SMCO2: variants seen among roughly 807,000 people sequenced by gnomAD.
SMCO2 encodes single-pass membrane and coiled-coil domain-containing protein 2.
SMCO2 carries 25 observed loss-of-function variants against 29.5 expected under a neutral mutation model. That is an observed-to-expected ratio of 0.85 (90% CI 0.62 to 1.18). The LOEUF is 1.18. Ranked by LOEUF, SMCO2 falls within the 50% of genes most tolerant of loss-of-function variation. SMCO2 has a pLI of 0.00. For synonymous variants in SMCO2, 117 were observed against 123.3 expected (o/e 0.95, Z 0.34); for missense variants, 348 against 344.5 (o/e 1.01, Z -0.08).
the SMCO2 span, among the ~76,000 whole-genome samples, chr12:27,444,888 C>T: frequency 2.0e-5 from 3 of 152,084 alleles, no homozygotes; most frequent in Admixed American, 6.5e-5. Flanking sequence ...GCTGCACGCC[C>T]GTGTTTATTG....
chr12:27,464,886 G>A (rs544609197), upstream of SMCO2, among the ~76,000 whole-genome samples: 8 of 151,180 alleles, frequency 5.3e-5, no homozygotes, highest in Admixed American at 1.3e-4. Context: ...AAAATTAGCC[G>A]GGCATGGTGG....
chr12:27,470,546 G>A, intron 1 of SMCO2, 76 bp from the exon 2 acceptor site: 1 of 1,477,320 alleles, frequency 6.8e-7, no homozygotes, highest in Non-Finnish European at 9.1e-7. Flanking sequence ...GAAGAAGTTA[G>A]TCTGGTGTCA....
chr12:27,454,829 G>A, the SMCO2 span, among the ~76,000 whole-genome samples: 13 of 152,130 alleles, frequency 8.5e-5, no homozygotes, highest in Non-Finnish European at 1.8e-4. Context: ...TGTGGTGTTT[G>A]GTTTTCTGCT....
chr12:27,483,788 A>C (rs572012617), intron 4 of SMCO2, among the ~76,000 whole-genome samples: 33 of 152,238 alleles, frequency 2.2e-4, no homozygotes, highest in Non-Finnish European at 3.7e-4. Context: ...AACTATCACT[A>C]TCTGCCTTCA....
At chr12:27,439,454 CAA>C in the SMCO2 span, among the ~76,000 whole-genome samples, 10 of 152,078 alleles carry the variant, frequency 6.6e-5, no homozygotes, top group Admixed American at 6.6e-4. Context: ...TCACAAGAAA[CAA>C]AAGCAAATGG....
intron 7 of SMCO2, chr12:27,497,777 A>G (rs1943028692): frequency 5.4e-6 from 1 of 185,818 alleles, no homozygotes; most frequent in East Asian, 1.7e-4. Flanking sequence ...ACTATGATGC[A>G]TCTGATCTGG....
the SMCO2 span, among the ~76,000 whole-genome samples, chr12:27,436,972 C>T: frequency 6.6e-6 from 1 of 152,192 alleles, no homozygotes; most frequent in African/African-American, 2.4e-5. Context: ...TCGCCATGTT[C>T]ACCATCAAAG....
chr12:27,451,713 A>G, the SMCO2 span, among the ~76,000 whole-genome samples: 1 of 152,224 alleles, frequency 6.6e-6, no homozygotes, highest in African/African-American at 2.4e-5. Flanking sequence ...CCTCAACAGC[A>G]TGAGGCACAT....
rs1417210733 is a variant in SMCO2 at position 27,474,814 on chromosome 12, A to C, written c.263A>C (p.Asp88Ala). Residue 88 changes from aspartate (D) to alanine (A), a missense_variant, in exon 4 of 8, where the codon GAC (aspartate) becomes GCC (alanine). By Grantham distance (126) the Asp-to-Ala change is moderately radical (BLOSUM62 -2). Coordinates refer to ENST00000298876, the Ensembl canonical transcript of SMCO2. ...ATGTTGGAGCTAGAGGCTGAGCATGACCAGGACCTGAGTAAACAGGATAAG... is the reference window on the plus strand; with the variant it reads ...ATGTTGGAGCTAGAGGCTGAGCATGCCCAGGACCTGAGTAAACAGGATAAG... 3 of 1,551,774 alleles carry C rather than the reference A, an allele frequency of 1.9e-6. No homozygotes were observed. The South Asian group carries it at 3.6e-5, about 18-fold the overall frequency.
upstream of SMCO2, among the ~76,000 whole-genome samples, chr12:27,465,899 G>A (rs1484647434): frequency 6.6e-6 from 1 of 152,224 alleles, no homozygotes; most frequent in African/African-American, 2.4e-5. Flanking sequence ...TTTGATAGGT[G>A]AAGAGGAGTG....
chr12:27,473,574 A>G (rs1949559661), intron 3 of SMCO2, among the ~76,000 whole-genome samples: 1 of 152,154 alleles, frequency 6.6e-6, no homozygotes, highest in South Asian at 2.1e-4. Context: ...TGGGACCACC[A>G]CTTAACTCTC....
intron 4 of SMCO2, among the ~76,000 whole-genome samples, chr12:27,484,264 C>T (rs909084338): frequency 4.0e-5 from 6 of 151,888 alleles, no homozygotes; most frequent in Middle Eastern, 3.2e-3. Flanking sequence ...CTGTAATCCC[C>T]GCTGCTCGGG....
chr12:27,474,346 C>T (rs1949565935), intron 3 of SMCO2, among the ~76,000 whole-genome samples: 2 of 152,162 alleles, frequency 1.3e-5, no homozygotes, highest in Admixed American at 1.3e-4. Context: ...ATGTCTTTTA[C>T]AGCCATATTT....
At chr12:27,479,070 A>C (rs989406832) in intron 4 of SMCO2, among the ~76,000 whole-genome samples, 3 of 152,138 alleles carry the variant, frequency 2.0e-5, no homozygotes, top group African/African-American at 7.2e-5. Flanking sequence ...TTGATAGTGT[A>C]TGTGGGTGTC....
At chr12:27,455,358 A>G in the SMCO2 span, among the ~76,000 whole-genome samples, 1 of 152,240 alleles carries the variant, frequency 6.6e-6, no homozygotes, top group Non-Finnish European at 1.5e-5. Flanking sequence ...ATAGCTATGA[A>G]TATCTTTATA....
chr12:27,482,673 G>C (rs1254144599), intron 4 of SMCO2, among the ~76,000 whole-genome samples: 1 of 152,216 alleles, frequency 6.6e-6, no homozygotes, highest in Non-Finnish European at 1.5e-5. Context: ...TTCTCTTACT[G>C]ACTTCTCAGT....
intron 2 of SMCO2, among the ~76,000 whole-genome samples, chr12:27,471,222 C>T (rs1949538498): frequency 6.6e-6 from 1 of 152,110 alleles, no homozygotes; most frequent in Non-Finnish European, 1.5e-5. Flanking sequence ...TTCCAAGAAT[C>T]CCTCATATGG....
At chr12:27,481,970 T>C (rs2135558647) in intron 4 of SMCO2, among the ~76,000 whole-genome samples, 1 of 152,204 alleles carries the variant, frequency 6.6e-6, no homozygotes, top group South Asian at 2.1e-4. Context: ...TTTTTTGCTA[T>C]TGTTTTTCTG....
chr12:27,487,698 G>A lies in SMCO2; in HGVS notation c.363-762G>A, dbSNP rs141022295. On this transcript the variant is annotated intron_variant, in intron 4 of 7. Coordinates refer to ENST00000298876, the Ensembl canonical transcript of SMCO2. ...TTCCACCACCAATTTATGAATGATC[G>A]CGTTTCTCCACATCCTCACTAGCAT... Among the ~76,000 whole-genome samples, 201 of 151,172 alleles carry A rather than the reference G, an allele frequency of 1.3e-3. 1 individual carries two copies. Among genetic ancestry groups the A allele is most frequent in the East Asian group, 3.7e-3 (19 of 5,156 alleles).
Sources: gnomAD v4.1 joint callset for allele counts (sites outside exome capture counted in the v4.1 genomes callset) on GRCh38, gnomAD v4.1.1 for gene constraint, MANE v1.5 for transcripts, NCBI Gene and HGNC (gene_info 2026-07-23, HGNC 2026-07-21) for gene names.